Variants in SORCS3 observed in about 807,000 individuals in gnomAD.
The protein encoded by SORCS3 is VPS10 domain-containing receptor SorCS3.
Under a neutral mutation model 146.3 loss-of-function variants are expected in SORCS3, and 57 were observed. The observed-to-expected ratio is 0.39, with a 90% CI of 0.31 to 0.49. SORCS3 has a LOEUF of 0.49. Ranked by LOEUF, SORCS3 falls within the 20% of genes least tolerant of loss-of-function variation. The pLI is 0.92. For missense variants in SORCS3, 1,341 were observed against 1,575.5 expected (o/e 0.85, Z 2.52); for synonymous variants, 653 against 618.5 (o/e 1.06, Z -0.83).
intron 2 of SORCS3, among the ~76,000 whole-genome samples, chr10:104,914,724 A>G (rs1000394738): frequency 2.6e-5 from 4 of 152,206 alleles, no homozygotes; most frequent in African/African-American, 7.2e-5. Context: ...TTAGCATTAG[A>G]AGGTGGATAA....
At chr10:105,089,522 T>C (rs761623894) in intron 5 of SORCS3, among the ~76,000 whole-genome samples, 2 of 152,136 alleles carry the variant, frequency 1.3e-5, no homozygotes, top group South Asian at 2.1e-4. Context: ...TCTGTATTCT[T>C]CTCTATTTTC....
At chr10:104,854,576 A>C (rs1436583875) in intron 2 of SORCS3, among the ~76,000 whole-genome samples, 1 of 152,080 alleles carries the variant, frequency 6.6e-6, no homozygotes, top group Non-Finnish European at 1.5e-5. Flanking sequence ...GTTTAGTTGT[A>C]CCCATTTTTT....
At chr10:104,918,148 G>T (rs2019051595) in intron 3 of SORCS3, among the ~76,000 whole-genome samples, 1 of 152,172 alleles carries the variant, frequency 6.6e-6, no homozygotes, top group Non-Finnish European at 1.5e-5. Flanking sequence ...TGTGATTAAA[G>T]TTCTAGGTGG....
intron 2 of SORCS3, among the ~76,000 whole-genome samples, chr10:104,905,570 C>T (rs1205955681): frequency 6.6e-6 from 1 of 152,206 alleles, no homozygotes; most frequent in Admixed American, 6.5e-5. Context: ...TGGCATTATT[C>T]AGCATGATTT....
chr10:104,786,145 C>T (rs2017432825), intron 1 of SORCS3, among the ~76,000 whole-genome samples: 1 of 151,918 alleles, frequency 6.6e-6, no homozygotes, highest in African/African-American at 2.4e-5. Context: ...TTCATTCATT[C>T]ATTTATTTAG....
At chr10:104,943,422 G>T (rs768715927) in intron 3 of SORCS3, among the ~76,000 whole-genome samples, 2 of 152,132 alleles carry the variant, frequency 1.3e-5, no homozygotes, top group Non-Finnish European at 2.9e-5. Flanking sequence ...CACTGTGCCC[G>T]GCCAAATGTA....
At chr10:104,986,876 A>G (rs905010115) in intron 4 of SORCS3, among the ~76,000 whole-genome samples, 8 of 152,204 alleles carry the variant, frequency 5.3e-5, no homozygotes, top group African/African-American at 1.7e-4. Context: ...GATCATCATA[A>G]CAGATATAAT....
chr10:105,204,729 T>G (rs2056592582), intron 16 of SORCS3, among the ~76,000 whole-genome samples: 1 of 151,128 alleles, frequency 6.6e-6, no homozygotes, highest in Non-Finnish European at 1.5e-5. Flanking sequence ...ACCTATAAAG[T>G]TTTTTTTTAC....
intron 4 of SORCS3, among the ~76,000 whole-genome samples, chr10:105,018,667 A>T (rs1341620461): frequency 6.6e-6 from 1 of 152,242 alleles, no homozygotes; most frequent in Non-Finnish European, 1.5e-5. Flanking sequence ...AAAATATAGC[A>T]ATAATTCTAC....
At chr10:104,657,898 G>C (rs1361266939) in intron 1 of SORCS3, among the ~76,000 whole-genome samples, 1 of 152,202 alleles carries the variant, frequency 6.6e-6, no homozygotes, top group Non-Finnish European at 1.5e-5. Flanking sequence ...ATTTAATATA[G>C]GGAATTGTAC....
chr10:104,933,044 T>C (rs1207945526), intron 3 of SORCS3, among the ~76,000 whole-genome samples: 1 of 152,148 alleles, frequency 6.6e-6, no homozygotes, highest in Non-Finnish European at 1.5e-5. Flanking sequence ...TGGACAAGTT[T>C]TAATTGTTCC....
rs1397340927 is a variant in SORCS3 at position 104,859,605 on chromosome 10, A to G, written c.695+16746A>G. On this transcript the variant is annotated intron_variant, in intron 2 of 26. Coordinates refer to ENST00000369701, the MANE Select transcript of SORCS3 (RefSeq NM_014978.3). Reference sequence around the variant, plus strand: ...AACTCAAGAGCTTCTGCACAGCAAAAGAAACTACCATCATAGTGAACAGGC... The same window carrying G: ...AACTCAAGAGCTTCTGCACAGCAAAGGAAACTACCATCATAGTGAACAGGC... Among the ~76,000 whole-genome samples, 13 of 152,234 alleles carry G rather than the reference A, an allele frequency of 8.5e-5. No individual in the cohort carries two copies. The South Asian group carries it at 1.0e-3, about 12-fold the overall frequency.
intron 5 of SORCS3, among the ~76,000 whole-genome samples, chr10:105,079,058 T>C (rs1257858392): frequency 1.3e-5 from 2 of 152,190 alleles, no homozygotes; most frequent in Non-Finnish European, 2.9e-5. Flanking sequence ...TTAATGATTC[T>C]CAAAGTGTGA....
In SORCS3 at chr10:104,707,046, T is replaced by C. The variant is rs2016345228; in HGVS notation, c.627+65092T>C. On this transcript the variant is annotated intron_variant, in intron 1 of 26. Coordinates refer to ENST00000369701, the MANE Select transcript of SORCS3 (RefSeq NM_014978.3). Reference sequence around the variant, plus strand: ...TAAGTTAATGGAGAGAAGTGTGAGCTATCTGAGGCATCGCATAGAGACAGG... The same window carrying C: ...TAAGTTAATGGAGAGAAGTGTGAGCCATCTGAGGCATCGCATAGAGACAGG... 2.0e-5 allele frequency among the ~76,000 whole-genome samples: 3 copies of C among 152,010 alleles called. No homozygotes were observed. In the South Asian group the frequency reaches 6.2e-4, roughly 32 times the overall value.
At position 105,200,039 on chromosome 10, in the gene SORCS3, G is replaced by A; in HGVS notation, c.2050G>A (p.Val684Met). The stretch of plus-strand genomic sequence containing the variant: ...CAGCCTCCGCTCCGAATGGCAATTG[G>A]TGAAAGTGGACTACAAATCTATCTT... The part of the protein sequence containing the change: ...HFSLRSEWQL[V>M]KVDYKSIFSR... Residue 684 changes from valine to methionine, a missense_variant, in exon 15 of 27, where the codon GTG becomes ATG. Val to Met is a conservative substitution (Grantham distance 21, BLOSUM62 1). Coordinates refer to ENST00000369701, the MANE Select transcript of SORCS3 (RefSeq NM_014978.3). The A allele has an allele frequency of 1.2e-6, 2 of 1,613,716 alleles. No individual in the cohort carries two copies. Among genetic ancestry groups the A allele is most frequent in the Non-Finnish European group, 1.7e-6 (2 of 1,179,710 alleles).
intron 1 of SORCS3, among the ~76,000 whole-genome samples, chr10:104,741,411 A>G (rs930195089): frequency 2.0e-5 from 3 of 152,102 alleles, no homozygotes. Context: ...GAGGCCTCCA[A>G]GAACTGATGT....
At chr10:104,878,268 T>A (rs2018596564) in intron 2 of SORCS3, among the ~76,000 whole-genome samples, 1 of 152,046 alleles carries the variant, frequency 6.6e-6, no homozygotes, top group Non-Finnish European at 1.5e-5. Context: ...TTGACATGCT[T>A]ATAGGGAAGC....
At chr10:104,725,768 G>A (rs1032879704) in intron 1 of SORCS3, among the ~76,000 whole-genome samples, 4 of 152,212 alleles carry the variant, frequency 2.6e-5, no homozygotes, top group Non-Finnish European at 4.4e-5. Context: ...CATAGGACCC[G>A]CTGAGCCATG....
intron 1 of SORCS3, among the ~76,000 whole-genome samples, chr10:104,711,659 C>T (rs1239422934): frequency 6.6e-6 from 1 of 152,202 alleles, no homozygotes; most frequent in East Asian, 1.9e-4. Flanking sequence ...AGTTGTGGCC[C>T]CTCCTCTGCC....
Sources: gnomAD v4.1 joint callset for allele counts (sites outside exome capture counted in the v4.1 genomes callset) on GRCh38, gnomAD v4.1.1 for gene constraint, MANE v1.5 for transcripts, NCBI Gene and HGNC (gene_info 2026-07-23, HGNC 2026-07-21) for gene names.